The following FBXO36 variants were observed in gnomAD, a reference collection of about 807,000 sequenced individuals.
The protein encoded by FBXO36 is F-box only protein 36.
A neutral mutation model predicts 17.0 loss-of-function variants in FBXO36; 18 were observed. The ratio of observed to expected loss-of-function variants is 1.06; its 90% CI spans 0.73 to 1.57. The LOEUF (loss-of-function observed/expected upper bound fraction) is 1.57, where lower values mean the gene tolerates loss of function less well. Ranked by LOEUF, FBXO36 falls within the 40% of genes most tolerant of loss-of-function variation. The pLI, the probability that FBXO36 is intolerant of heterozygous loss-of-function variation, is 0.00. For missense variants in FBXO36, 229 were observed against 221.9 expected, an observed-to-expected ratio of 1.03 and a Z score of -0.20; for synonymous variants, 83 against 85.3, an observed-to-expected ratio of 0.97 and a Z score of 0.15.
At chr2:229,954,636 C>T (rs957863569) in intron 1 of FBXO36, among the ~76,000 whole-genome samples, 1 of 150,596 alleles carries the variant, frequency 6.6e-6, no homozygotes, top group East Asian at 2.0e-4. Context: ...CAAGCTCCCC[C>T]TCCCAGGTTC....
At chr2:229,998,039 T>C (rs2077336661) in intron 3 of FBXO36, among the ~76,000 whole-genome samples, 1 of 152,222 alleles carries the variant, frequency 6.6e-6, no homozygotes, top group Non-Finnish European at 1.5e-5. Flanking sequence ...ACTAGCTCGG[T>C]ATTTAGCTGT....
intron 2 of FBXO36, among the ~76,000 whole-genome samples, chr2:229,994,080 C>T (rs2077312601): frequency 6.6e-6 from 1 of 152,132 alleles, no homozygotes; most frequent in Non-Finnish European, 1.5e-5. Flanking sequence ...CCAACTTTTA[C>T]ACTTTAAATA....
At chr2:229,996,006 T>C (rs2077325082) in intron 2 of FBXO36, among the ~76,000 whole-genome samples, 2 of 151,606 alleles carry the variant, frequency 1.3e-5, no homozygotes, top group African/African-American at 4.8e-5. Context: ...CTGGGTGTGG[T>C]GTCTCATGCC....
intron 2 of FBXO36, chr2:229,976,891 A>G (rs1331658579): frequency 3.3e-5 from 5 of 152,110 alleles, no homozygotes; most frequent in Admixed American, 3.3e-4. Flanking sequence ...ATATAGTTTT[A>G]TGCTATAATA....
At chr2:229,982,722 G>A (rs539513163) in intron 2 of FBXO36, among the ~76,000 whole-genome samples, 97 of 147,828 alleles carry the variant, frequency 6.6e-4, no homozygotes, top group Middle Eastern at 3.5e-3. Context: ...GAGGAGAATC[G>A]CTTGAAACTG....
intron 1 of FBXO36, among the ~76,000 whole-genome samples, chr2:229,939,600 G>A (rs974303491): frequency 6.6e-6 from 1 of 151,924 alleles, no homozygotes; most frequent in Admixed American, 6.6e-5. Context: ...GACAGAGCGC[G>A]ATTCTGCCTC....
chr2:229,963,426 C>T (rs976197463), intron 1 of FBXO36, among the ~76,000 whole-genome samples: 1 of 150,120 alleles, frequency 6.7e-6, no homozygotes, highest in Non-Finnish European at 1.5e-5. Context: ...ATACATGTAT[C>T]CTTTGCATTT....
intron 1 of FBXO36, chr2:229,943,145 A>G (rs1470911644): frequency 2.0e-5 from 3 of 152,294 alleles, no homozygotes; most frequent in Admixed American, 1.3e-4. Flanking sequence ...TCAGCACCAG[A>G]GACAACCTAC....
intron 1 of FBXO36, among the ~76,000 whole-genome samples, chr2:229,957,792 AC>A (rs1348284373): frequency 2.0e-5 from 3 of 152,158 alleles, no homozygotes; most frequent in Non-Finnish European, 4.4e-5. Context: ...AACCAGCTGG[AC>A]CTGGCATTTC....
At chr2:229,938,013 G>A (rs2076973928) in intron 1 of FBXO36, 2 of 152,490 alleles carry the variant, frequency 1.3e-5, no homozygotes, top group Admixed American at 6.5e-5. Flanking sequence ...GTCGCCCCAG[G>A]GTGGAGTGCA....
intron 1 of FBXO36, among the ~76,000 whole-genome samples, chr2:229,923,693 C>T (rs2154386688): frequency 6.6e-6 from 1 of 151,748 alleles, no homozygotes; most frequent in East Asian, 1.9e-4. Flanking sequence ...TTTTTTAAAA[C>T]AGTACTGCTC....
chr2:229,988,861 G>A (rs1026380925), intron 2 of FBXO36, among the ~76,000 whole-genome samples: 7 of 126,306 alleles, frequency 5.5e-5, no homozygotes, highest in Admixed American at 8.9e-5. Flanking sequence ...TTTTTTTACC[G>A]CATAGTATTT....
chr2:229,951,531 G>T (rs772176927), intron 1 of FBXO36, among the ~76,000 whole-genome samples: 2 of 151,428 alleles, frequency 1.3e-5, no homozygotes, highest in East Asian at 3.9e-4. Flanking sequence ...GGCGTGAGCC[G>T]CCGCGCCCAG....
intron 1 of FBXO36, among the ~76,000 whole-genome samples, chr2:229,968,615 G>A (rs2077165562): frequency 6.6e-6 from 1 of 152,072 alleles, no homozygotes; most frequent in Non-Finnish European, 1.5e-5. Context: ...CTACAGGCGT[G>A]TGCTACCATG....
chr2:229,996,649 A>G, intron 2 of FBXO36, 102 bp from the exon 3 acceptor site: 2 of 1,266,850 alleles, frequency 1.6e-6, no homozygotes, highest in Non-Finnish European at 2.2e-6. Flanking sequence ...ATCTAACGTC[A>G]CTCCCAGGGG....
At chr2:229,948,392 T>A (rs1451872114) in intron 1 of FBXO36, among the ~76,000 whole-genome samples, 1 of 152,260 alleles carries the variant, frequency 6.6e-6, no homozygotes, top group Non-Finnish European at 1.5e-5. Flanking sequence ...CTCTGTGTGA[T>A]GTCCCAAGGA....
At position 229,960,550 on chromosome 2, in the gene FBXO36, G is replaced by A. The variant is rs531259875; in HGVS notation, c.97-15691G>A. Among the ~76,000 whole-genome samples, 74 of 152,240 alleles carry A rather than the reference G, an allele frequency of 4.9e-4. 2 individuals are homozygous for A. In the South Asian group the frequency reaches 7.0e-3, roughly 14 times the overall value. Reference sequence around the variant, plus strand: ...CTGTCGCCCACACAGCAGTGCACTGGTGCCGTCATAGCTCACTGCAGCCTC... The same window carrying A: ...CTGTCGCCCACACAGCAGTGCACTGATGCCGTCATAGCTCACTGCAGCCTC... On this transcript the variant is annotated intron_variant, in intron 1 of 3. Coordinates refer to ENST00000283946, the MANE Select transcript of FBXO36 (RefSeq NM_174899.5).
chr2:229,953,520 TAAA>T, intron 1 of FBXO36, among the ~76,000 whole-genome samples: 1 of 143,072 alleles, frequency 7.0e-6, no homozygotes, highest in Middle Eastern at 3.5e-3. Context: ...TACCAAAAAT[TAAA>T]AAAAAAAAAT....
chr2:229,933,755 A>G (rs779001890), intron 1 of FBXO36, among the ~76,000 whole-genome samples: 9 of 152,110 alleles, frequency 5.9e-5, no homozygotes, highest in Non-Finnish European at 8.8e-5. Context: ...GCACCATCTC[A>G]GCTCACTGCA....
Sources: gnomAD v4.1 joint callset for allele counts (sites outside exome capture counted in the v4.1 genomes callset) on GRCh38, gnomAD v4.1.1 for gene constraint, MANE v1.5 for transcripts, NCBI Gene and HGNC (gene_info 2026-07-23, HGNC 2026-07-21) for gene names.